ABL2: variants seen among roughly 807,000 people sequenced by gnomAD.
ABL2 encodes the protein ABL proto-oncogene 2, non-receptor tyrosine kinase.
A neutral mutation model predicts 107.7 loss-of-function variants in ABL2; 49 were observed. The observed-to-expected ratio is 0.45, with a 90% confidence interval of 0.36 to 0.58. The LOEUF is 0.58. Ranked by LOEUF, ABL2 falls within the 20% of genes least tolerant of loss-of-function variation. The pLI is 0.00. For synonymous variants in ABL2, 549 were observed against 548.6 expected (o/e 1.00, Z -0.01); for missense variants, 1,245 against 1,457.0 (o/e 0.85, Z 2.37).
At position 179,187,207 on chromosome 1, in the gene ABL2, C is replaced by T. The variant is rs565499147; in HGVS notation, c.157+42034G>A. Among the ~76,000 whole-genome samples, 5 of 152,340 alleles carry T rather than the reference C, an allele frequency of 3.3e-5. 1 individual carries two copies. The South Asian group carries it at 1.0e-3, about 32-fold the overall frequency. On this transcript the variant is annotated intron_variant, in intron 1 of 11. Coordinates refer to ENST00000502732, the MANE Select transcript of ABL2 (RefSeq NM_007314.4). The stretch of plus-strand genomic sequence containing the variant: ...AGATCCTCAGATTTCAGATTTCCCA[C>T]ATTCCACTCCTTTCTGCAATACCAG...
chr1:179,165,643 T>G (rs901985776), intron 1 of ABL2, among the ~76,000 whole-genome samples: 1 of 152,116 alleles, frequency 6.6e-6, no homozygotes, highest in African/African-American at 2.4e-5. Flanking sequence ...ACAAGAGTGC[T>G]TCTTCTAGAT....
intron 1 of ABL2, among the ~76,000 whole-genome samples, chr1:179,166,707 G>A (rs1659403316): frequency 6.7e-6 from 1 of 150,228 alleles, no homozygotes; most frequent in African/African-American, 2.4e-5. Flanking sequence ...AACCTGGAAG[G>A]CAGAGGTTGC....
intron 1 of ABL2, among the ~76,000 whole-genome samples, chr1:179,158,534 C>T (rs749628040): frequency 6.6e-6 from 1 of 152,178 alleles, no homozygotes; most frequent in African/African-American, 2.4e-5. Flanking sequence ...CCCACAACCA[C>T]CTGATTGTCT....
At chr1:179,219,270 T>C (rs1429467039) in intron 1 of ABL2, among the ~76,000 whole-genome samples, 2 of 152,168 alleles carry the variant, frequency 1.3e-5, no homozygotes, top group African/African-American at 4.8e-5. Context: ...CTTGAACTCC[T>C]GAGCTTAAAG....
chr1:179,170,542 G>A (rs1450177424), intron 1 of ABL2, among the ~76,000 whole-genome samples: 1 of 151,864 alleles, frequency 6.6e-6, no homozygotes, highest in Non-Finnish European at 1.5e-5. Context: ...TCAGCTTCCC[G>A]AGTAGCTCGG....
At chr1:179,207,213 T>C (rs1662024661) in intron 1 of ABL2, among the ~76,000 whole-genome samples, 1 of 151,816 alleles carries the variant, frequency 6.6e-6, no homozygotes, top group Admixed American at 6.6e-5. Context: ...CTGTTCTATC[T>C]ATCTGAATAA....
chr1:179,223,792 T>C (rs1052483916), intron 1 of ABL2, among the ~76,000 whole-genome samples: 3 of 152,036 alleles, frequency 2.0e-5, no homozygotes, highest in African/African-American at 4.8e-5. Flanking sequence ...AGCATCGTTT[T>C]CAACCTGGGG....
At chr1:179,122,477 C>T (rs1655315233) in intron 4 of ABL2, among the ~76,000 whole-genome samples, 1 of 151,852 alleles carries the variant, frequency 6.6e-6, no homozygotes, top group Non-Finnish European at 1.5e-5. Flanking sequence ...AGGGTAAACA[C>T]AGAACTTCAG....
intron 1 of ABL2, among the ~76,000 whole-genome samples, chr1:179,154,116 A>T (rs1310058818): frequency 6.6e-6 from 1 of 152,204 alleles, no homozygotes; most frequent in Admixed American, 6.5e-5. Flanking sequence ...ATCTTAATTC[A>T]GCTCCTCATT....
chr1:179,205,225 C>T (rs964233775), intron 1 of ABL2, among the ~76,000 whole-genome samples: 17 of 152,048 alleles, frequency 1.1e-4, no homozygotes, highest in South Asian at 2.1e-4. Context: ...CGGGGTTTCA[C>T]CATGTTGGTC....
In ABL2 at chr1:179,201,883, C is replaced by T. The variant is rs186373789; in HGVS notation, c.157+27358G>A. Reference sequence around the variant, plus strand: ...TGAGACATCAAGACCCTCTACAACACCTCCATTGAGGAAATGCCCCTCAAT... The same window carrying T: ...TGAGACATCAAGACCCTCTACAACATCTCCATTGAGGAAATGCCCCTCAAT... On this transcript the variant is annotated intron_variant, in intron 1 of 11. Coordinates refer to ENST00000502732, the MANE Select transcript of ABL2 (RefSeq NM_007314.4). 853 of 1,333,894 alleles carry T rather than the reference C, an allele frequency of 6.4e-4. 3 individuals carry two copies. The African/African-American group carries it at 0.011, about 18-fold the overall frequency. The allele number at this position is 1,333,894 out of a possible 1,614,324, so 82.6% of individuals were successfully genotyped here. A position where few individuals can be genotyped will look rare whatever the true frequency, so the allele number is the denominator to read the frequency against.
intron 1 of ABL2, among the ~76,000 whole-genome samples, chr1:179,214,631 T>C (rs2816213): frequency 0.34 from 50,972 of 147,970 alleles, 9,145 homozygotes; most frequent in East Asian, 0.48. Context: ...TGGAAAAACA[T>C]TGTTTGTTCC....
intron 1 of ABL2, among the ~76,000 whole-genome samples, chr1:179,179,253 C>T (rs1013130946): frequency 6.6e-6 from 1 of 152,176 alleles, no homozygotes; most frequent in African/African-American, 2.4e-5. Flanking sequence ...TACCCAACGT[C>T]CCAATCCCAT....
At chr1:179,187,487 A>G (rs1660737982) in intron 1 of ABL2, among the ~76,000 whole-genome samples, 1 of 152,224 alleles carries the variant, frequency 6.6e-6, no homozygotes, top group African/African-American at 2.4e-5. Flanking sequence ...AAAACTGTGC[A>G]ACACAGCCTT....
Position 179,135,563 on chromosome 1 carries a change from G to A in ABL2, c.158-2189C>T, listed in dbSNP as rs558002892. On this transcript the variant is annotated intron_variant, in intron 1 of 11. Transcript: ENST00000502732. Reference sequence around the variant, plus strand: ...CCACCCCGTCTGGGAAGTGAGGAGCGTCTCCTCCTGGCAGCCACCTCGTCC... The same window carrying A: ...CCACCCCGTCTGGGAAGTGAGGAGCATCTCCTCCTGGCAGCCACCTCGTCC... Among the ~76,000 whole-genome samples the A allele has an allele frequency of 7.9e-5, 12 of 151,670 alleles. No individual in the cohort carries two copies. In the South Asian group the frequency reaches 2.5e-3, roughly 32 times the overall value.
chr1:179,119,172 A>C (rs1206498361), intron 6 of ABL2, among the ~76,000 whole-genome samples: 1 of 152,186 alleles, frequency 6.6e-6, no homozygotes, highest in Non-Finnish European at 1.5e-5. Context: ...CCCCACCTGC[A>C]ATACTGCTTT....
chr1:179,181,946 ATTTTTTTTT>A (rs34828452), intron 1 of ABL2, among the ~76,000 whole-genome samples: 9 of 91,200 alleles, frequency 9.9e-5, no homozygotes, highest in East Asian at 3.4e-4. Flanking sequence ...AGGCCCGGCT[ATTTTTTTTT>A]TTTTTTTTTT....
At chr1:179,176,208 C>T (rs750262980) in intron 1 of ABL2, among the ~76,000 whole-genome samples, 95 of 143,980 alleles carry the variant, frequency 6.6e-4, no homozygotes, top group Non-Finnish European at 8.4e-4. Flanking sequence ...TTAGTGAGGG[C>T]GGTGGGAGGG....
Position 179,206,328 on chromosome 1 carries a change from C to G in ABL2, c.157+22913G>C, listed in dbSNP as rs185976741. 2.5e-3 allele frequency among the ~76,000 whole-genome samples: 376 copies of G among 152,178 alleles called. 3 individuals carry two copies. Among genetic ancestry groups the G allele is most frequent in the African/African-American group, 7.9e-3 (328 of 41,522 alleles). Reference sequence around the variant, plus strand: ...ACACATGGTTATTCTGAAATCCCCACCCCCTTTCTATAAGCAATTCCAAAT... The same window carrying G: ...ACACATGGTTATTCTGAAATCCCCAGCCCCTTTCTATAAGCAATTCCAAAT... On this transcript the variant is annotated intron_variant, in intron 1 of 11. Coordinates refer to ENST00000502732, the MANE Select transcript of ABL2 (RefSeq NM_007314.4).
Sources: allele counts gnomAD v4.1 joint callset (sites outside exome capture counted in the v4.1 genomes callset), GRCh38; gene constraint gnomAD v4.1.1; transcripts MANE v1.5; gene names NCBI Gene and HGNC (gene_info 2026-07-23, HGNC 2026-07-21).